Variants in PTPN13 observed in about 807,000 individuals in gnomAD.
The protein encoded by PTPN13 is protein tyrosine phosphatase non-receptor type 13.
A neutral mutation model predicts 284.0 loss-of-function variants in PTPN13; 191 were observed. The ratio of observed to expected loss-of-function variants is 0.67; its 90% CI spans 0.60 to 0.76. PTPN13 has a LOEUF of 0.76. PTPN13 is among the 30% of genes least tolerant of loss of function. The pLI, the probability that PTPN13 is intolerant of heterozygous loss-of-function variation, is 0.00. For synonymous variants in PTPN13, 986 were observed against 1,022.3 expected, an observed-to-expected ratio of 0.96 and a Z score of 0.68; for missense variants, 2,797 against 2,939.9, an observed-to-expected ratio of 0.95 and a Z score of 1.12.
At position 86,779,341 on chromosome 4, in the gene PTPN13, C is replaced by CG. The variant is rs564373528; in HGVS notation, c.5892-1058dup. On this transcript the variant is annotated intron_variant, in intron 35 of 47. Coordinates refer to ENST00000411767, the MANE Select transcript of PTPN13 (RefSeq NM_080683.3). ...CTAAGGCAGGAGAATGGCGTGAACC[C>CG]GGGAGGTGGAGCTTGCAGTGAGCCG... Among the ~76,000 whole-genome samples, 155 of 150,806 alleles carry CG rather than the reference C, an allele frequency of 1.0e-3. 2 individuals carry two copies. Among genetic ancestry groups the CG allele is most frequent in the African/African-American group, 3.5e-3 (143 of 40,958 alleles).
chr4:86,749,042 A>G (rs1258567382), intron 17 of PTPN13, among the ~76,000 whole-genome samples: 1 of 152,218 alleles, frequency 6.6e-6, no homozygotes, highest in Non-Finnish European at 1.5e-5. Context: ...CTTCCACTTC[A>G]GAGAGAGATC....
chr4:86,799,520 G>T (rs1052836651), intron 42 of PTPN13, among the ~76,000 whole-genome samples: 1 of 151,734 alleles, frequency 6.6e-6, no homozygotes, highest in Admixed American at 6.6e-5. Context: ...AGTAGAGACA[G>T]GGTTTCACCA....
At chr4:86,678,252 A>C (rs1193952465) in intron 3 of PTPN13, among the ~76,000 whole-genome samples, 1 of 152,196 alleles carries the variant, frequency 6.6e-6, no homozygotes. Flanking sequence ...CTTTTAGGAA[A>C]TACCGAAAGA....
chr4:86,798,140 G>A (rs1345691609), intron 41 of PTPN13, among the ~76,000 whole-genome samples: 2 of 152,150 alleles, frequency 1.3e-5, no homozygotes, highest in Admixed American at 6.5e-5. Flanking sequence ...GTCAGAAGGA[G>A]CCAAATAAGG....
chr4:86,752,905 G>C, intron 19 of PTPN13, 104 bp from the exon 20 acceptor site: 2 of 718,576 alleles, frequency 2.8e-6, no homozygotes, highest in East Asian at 5.5e-5. Context: ...AAATGTTGCT[G>C]CCTTATTGTT....
At chr4:86,685,771 G>A (rs555760648) in intron 3 of PTPN13, among the ~76,000 whole-genome samples, 2 of 152,224 alleles carry the variant, frequency 1.3e-5, no homozygotes, top group South Asian at 4.1e-4. Flanking sequence ...TGTACTTCTG[G>A]TAGAAATACA....
chr4:86,701,638 C>A lies in PTPN13; in HGVS notation c.1032C>A (p.Tyr344Ter), dbSNP rs1391351635. The part of the protein sequence containing the change: ...STTPRKKEAR[Y>*]SDGSIALDIF... ...CTCCTAGAAAAAAGGAGGCAAGATACTCAGATGGAAGTATAGCCTTGGATA... is the reference window on the plus strand; with the variant it reads ...CTCCTAGAAAAAAGGAGGCAAGATAATCAGATGGAAGTATAGCCTTGGATA... Residue 344 changes from tyrosine to a stop codon, truncating the protein, a stop_gained, in exon 7 of 48, where the codon TAC (tyrosine) becomes TAA (stop). Coordinates refer to ENST00000411767, the MANE Select transcript of PTPN13 (RefSeq NM_080683.3). LOFTEE classifies it high-confidence loss of function. 1 of 1,613,744 alleles carries A rather than the reference C, an allele frequency of 6.2e-7. No homozygotes were observed. Among genetic ancestry groups the A allele is most frequent in the East Asian group, 2.2e-5 (1 of 44,880 alleles).
intron 47 of PTPN13, 73 bp downstream of exon 47, chr4:86,811,181 C>G (rs890171333): frequency 7.6e-5 from 106 of 1,396,502 alleles, no homozygotes; most frequent in African/African-American, 1.3e-4. Context: ...CTTATTAAAC[C>G]ATTTTTCTTT....
At chr4:86,723,941 A>G (rs1004383199) in intron 10 of PTPN13, among the ~76,000 whole-genome samples, 1 of 152,190 alleles carries the variant, frequency 6.6e-6, no homozygotes, top group African/African-American at 2.4e-5. Context: ...TTAAAAGCAC[A>G]TTTGTATGCT....
intron 40 of PTPN13, among the ~76,000 whole-genome samples, chr4:86,792,814 G>C (rs1472932344): frequency 2.0e-5 from 3 of 152,172 alleles, no homozygotes; most frequent in African/African-American, 7.2e-5. Context: ...AATGCTAACA[G>C]ATTTTGTCAC....
At chr4:86,760,218 C>T (rs1738522223) in intron 23 of PTPN13, among the ~76,000 whole-genome samples, 1 of 152,092 alleles carries the variant, frequency 6.6e-6, no homozygotes, top group South Asian at 2.1e-4. Flanking sequence ...AAATAGAAAA[C>T]ACCACCACTG....
At chr4:86,669,285 G>GTATATATA (rs34939020) in intron 2 of PTPN13, among the ~76,000 whole-genome samples, 1,210 of 113,278 alleles carry the variant, frequency 0.011, 18 homozygotes, top group South Asian at 0.028. Context: ...GGAAGAAGAT[G>GTATATATA]TATATATATA....
chr4:86,634,187 A>G (rs1722768159), intron 1 of PTPN13, among the ~76,000 whole-genome samples: 1 of 152,192 alleles, frequency 6.6e-6, no homozygotes, highest in South Asian at 2.1e-4. Context: ...AGATGTTTTT[A>G]TAGGTTAACT....
At chr4:86,595,787 G>T in intron 1 of PTPN13, 3 of 984,348 alleles carry the variant, frequency 3.0e-6, no homozygotes, top group Non-Finnish European at 3.6e-6. Context: ...AAGGGCGCTG[G>T]TAACTAATTA....
At chr4:86,754,935 T>C (rs1400270986) in intron 20 of PTPN13, among the ~76,000 whole-genome samples, 1 of 152,040 alleles carries the variant, frequency 6.6e-6, no homozygotes, top group East Asian at 1.9e-4. Context: ...AAACGCTCTT[T>C]GAATCTGGCC....
intron 17 of PTPN13, among the ~76,000 whole-genome samples, chr4:86,745,514 C>T (rs868031565): frequency 2.6e-5 from 4 of 152,146 alleles, no homozygotes; most frequent in Admixed American, 6.5e-5. Context: ...CAGTGGCTCA[C>T]GCCTGTAATC....
At chr4:86,716,032 C>T (rs2149067132) in intron 7 of PTPN13, among the ~76,000 whole-genome samples, 1 of 152,290 alleles carries the variant, frequency 6.6e-6, no homozygotes, top group Non-Finnish European at 1.5e-5. Flanking sequence ...TATTGGGGTA[C>T]TTGTCTTCCA....
At chr4:86,787,355 G>C (rs1163454788) in intron 40 of PTPN13, among the ~76,000 whole-genome samples, 1 of 152,132 alleles carries the variant, frequency 6.6e-6, no homozygotes, top group Admixed American at 6.5e-5. Context: ...CACTCTGGGA[G>C]GCCAAGGTAG....
rs570964234 is a variant in PTPN13 at position 86,798,481 on chromosome 4, G to T, written c.6402-620G>T. ...CCCTGAATATCAGAAAGTTAAAAAC[G>T]TATTCAGGCTTTTACGTAATCCTTT... On this transcript the variant is annotated intron_variant, in intron 41 of 47. Transcript: ENST00000411767. 2.0e-5 allele frequency among the ~76,000 whole-genome samples: 3 copies of T among 152,298 alleles called. 1 individual carries two copies. In the South Asian group the frequency reaches 6.2e-4, roughly 32 times the overall value.
Sources: allele counts gnomAD v4.1 joint callset (sites outside exome capture counted in the v4.1 genomes callset), GRCh38; gene constraint gnomAD v4.1.1; transcripts MANE v1.5; gene names NCBI Gene and HGNC (gene_info 2026-07-23, HGNC 2026-07-21).